PGAP1: variants seen among roughly 807,000 people sequenced by gnomAD.
The protein encoded by PGAP1 is post-GPI attachment to proteins inositol deacylase 1, also known as GPI inositol-deacylase.
In PGAP1, 76 loss-of-function variants were observed where a neutral mutation model predicts 127.0. That is an observed-to-expected ratio of 0.60 (90% CI 0.50 to 0.72). The LOEUF (loss-of-function observed/expected upper bound fraction) is 0.72. PGAP1 is among the 30% of genes least tolerant of loss of function. The pLI, the probability that PGAP1 is intolerant of heterozygous loss-of-function variation, is 0.00. For missense variants in PGAP1, 982 were observed against 1,071.3 expected (o/e 0.92, Z 1.16); for synonymous variants, 362 against 366.5 (o/e 0.99, Z 0.14).
At chr2:196,924,546 A>G (rs1290066079) in intron 1 of PGAP1, among the ~76,000 whole-genome samples, 1 of 152,212 alleles carries the variant, frequency 6.6e-6, no homozygotes, top group East Asian at 1.9e-4. Flanking sequence ...AGAATACAAT[A>G]TAAATACTAT....
chr2:196,843,304 A>C (rs1184021678), intron 25 of PGAP1, among the ~76,000 whole-genome samples: 3 of 152,212 alleles, frequency 2.0e-5, no homozygotes, highest in Non-Finnish European at 4.4e-5. Flanking sequence ...CTGACAGCAA[A>C]TCTGTGAACA....
chr2:196,870,854 C>A, intron 19 of PGAP1, 87 bp downstream of exon 19: 1 of 1,117,858 alleles, frequency 8.9e-7, no homozygotes, highest in Admixed American at 2.1e-5. Context: ...GATTATCCAG[C>A]CCCTTATGGA....
intron 4 of PGAP1, among the ~76,000 whole-genome samples, chr2:196,904,473 C>G (rs1702619591): frequency 6.6e-6 from 1 of 152,148 alleles, no homozygotes; most frequent in Admixed American, 6.5e-5. Context: ...CGCAGTGGCT[C>G]CCTCCTGTAA....
intron 26 of PGAP1, among the ~76,000 whole-genome samples, chr2:196,842,058 A>G (rs916564380): frequency 2.6e-5 from 4 of 151,686 alleles, no homozygotes. Context: ...TAAAAAAAAA[A>G]AACAAAAAAC....
chr2:196,872,495 GT>G lies in PGAP1; in HGVS notation c.1673del (p.Asn558ThrfsTer20). The G allele has an allele frequency of 6.2e-7, 1 of 1,613,452 alleles. No homozygotes were observed. Among genetic ancestry groups the G allele is most frequent in the Non-Finnish European group, 8.5e-7 (1 of 1,179,434 alleles). ...SLKLHIAQPENNTHVALFKMY... is the reference protein window; with the variant it reads ...SLKLHIAQPEXNTHVALFKMY... ...TTTTAAATAATGCCACATGGGTATT[GT>G]TTTCTGGTTGAGCAATATGGAGTTT... is the stretch of plus-strand genomic sequence containing the variant. On this transcript the variant is annotated frameshift_variant, in exon 18 of 27. Transcript: ENST00000354764. LOFTEE classifies it high-confidence loss of function.
chr2:196,857,054 G>A (rs1156516256), intron 20 of PGAP1, among the ~76,000 whole-genome samples: 1 of 152,116 alleles, frequency 6.6e-6, no homozygotes, highest in Non-Finnish European at 1.5e-5. Flanking sequence ...AGAGCAATCA[G>A]GCAAGAGACA....
chr2:196,874,198 T>C (rs1701490353), intron 14 of PGAP1, among the ~76,000 whole-genome samples: 1 of 152,024 alleles, frequency 6.6e-6, no homozygotes, highest in African/African-American at 2.4e-5. Flanking sequence ...AAAAAAAATA[T>C]TTAAAGGGCA....
At chr2:196,912,772 T>G in intron 4 of PGAP1, 110 bp downstream of exon 4, 3 of 1,000,850 alleles carry the variant, frequency 3.0e-6, no homozygotes, top group Non-Finnish European at 4.2e-6. Context: ...ACTGAGTTGC[T>G]TCATACATGG....
chr2:196,885,360 A>C, intron 12 of PGAP1, 64 bp downstream of exon 12: 1 of 1,063,298 alleles, frequency 9.4e-7, no homozygotes, highest in South Asian at 1.7e-5. Flanking sequence ...AGAATATTTT[A>C]AAATGTGTAT....
intron 15 of PGAP1, 45 bp from the exon 16 acceptor site, chr2:196,873,624 T>C: frequency 6.3e-7 from 1 of 1,581,506 alleles, no homozygotes; most frequent in South Asian, 1.1e-5. Flanking sequence ...GGTTTACTTG[T>C]ATGTTAAAGT....
chr2:196,902,785 T>G (rs1162721516), intron 4 of PGAP1, 43 bp from the exon 5 acceptor site: 1 of 1,448,198 alleles, frequency 6.9e-7, no homozygotes, highest in Non-Finnish European at 9.5e-7. Context: ...CAGTAGCCAT[T>G]CCCTGAAACA....
chr2:196,904,185 C>G (rs1702602427), intron 4 of PGAP1, among the ~76,000 whole-genome samples: 1 of 152,180 alleles, frequency 6.6e-6, no homozygotes, highest in Non-Finnish European at 1.5e-5. Context: ...TTCTCAGACA[C>G]CTCAGAGTTA....
chr2:196,842,970 T>TA lies in PGAP1; in HGVS notation c.2526-146dup, dbSNP rs1700456979. ...TCTAAATAGTTCATGAAATATCTGA[T>TA]AAATAATTTTTGTTCTACATCATCT... is the stretch of plus-strand genomic sequence containing the variant. On this transcript the variant is annotated intron_variant, in intron 25 of 26. Coordinates refer to ENST00000354764, the MANE Select transcript of PGAP1 (RefSeq NM_024989.4). 1.6e-5 allele frequency: 6 copies of TA among 380,966 alleles called. 1 individual carries two copies. Among genetic ancestry groups the TA allele is most frequent in the African/African-American group, 1.3e-4 (6 of 47,894 alleles). 23.6% of individuals were successfully genotyped at this position (380,966 alleles called of 1,614,324 possible). A position where few individuals can be genotyped will look rare whatever the true frequency, so the allele number is the denominator to read the frequency against.
At chr2:196,870,814 G>C in intron 19 of PGAP1, 127 bp downstream of exon 19, 1 of 623,424 alleles carries the variant, frequency 1.6e-6, no homozygotes. Flanking sequence ...AGTAGCAAAA[G>C]ATACTGTATG....
chr2:196,848,038 C>T lies in PGAP1; in HGVS notation c.1862-1G>A. 6.3e-7 allele frequency: 1 copy of T among 1,588,542 alleles called. No individual in the cohort carries two copies. On this transcript the variant is annotated splice_acceptor_variant, in intron 20 of 26. Transcript: ENST00000354764. LOFTEE classifies it high-confidence loss of function. ...ATGGTAGCATATTCTAAGCAACAAC[C>T]TGGTGATTTAAAAAAAGTTACATGC...
intron 3 of PGAP1, among the ~76,000 whole-genome samples, chr2:196,914,775 G>A (rs1030887198): frequency 1.3e-5 from 2 of 151,110 alleles, no homozygotes; most frequent in African/African-American, 2.4e-5. Flanking sequence ...AACTGCTCTT[G>A]CTAAATCACC....
chr2:196,846,887 G>C, intron 22 of PGAP1, 116 bp downstream of exon 22: 1 of 833,270 alleles, frequency 1.2e-6, no homozygotes, highest in South Asian at 2.0e-5. Context: ...ACTTTCGCTA[G>C]TTATATATTT....
At chr2:196,862,490 C>T (rs1431688292) in intron 20 of PGAP1, among the ~76,000 whole-genome samples, 1 of 152,132 alleles carries the variant, frequency 6.6e-6, no homozygotes, top group African/African-American at 2.4e-5. Flanking sequence ...ATTCTATTAC[C>T]TTGTAAAGTA....
chr2:196,893,887 T>G (rs1702182127), intron 7 of PGAP1, among the ~76,000 whole-genome samples: 1 of 152,228 alleles, frequency 6.6e-6, no homozygotes, highest in Admixed American at 6.5e-5. Context: ...TTGACCATTA[T>G]TCAACTCTCT....
Sources: allele counts gnomAD v4.1 joint callset (sites outside exome capture counted in the v4.1 genomes callset), GRCh38; gene constraint gnomAD v4.1.1; transcripts MANE v1.5; gene names NCBI Gene and HGNC (gene_info 2026-07-23, HGNC 2026-07-21).